The following GNAT3 variants were observed in gnomAD, a reference collection of about 807,000 sequenced individuals.
GNAT3 encodes guanine nucleotide-binding protein G(t) subunit alpha-3.
GNAT3 carries 31 observed loss-of-function variants against 37.7 expected under a neutral mutation model. The ratio of observed to expected loss-of-function variants is 0.82; its 90% CI spans 0.62 to 1.11. The LOEUF is 1.11. Ranked by LOEUF, GNAT3 falls within the 50% of genes most tolerant of loss-of-function variation. The pLI, the probability that GNAT3 is intolerant of heterozygous loss-of-function variation, is 0.00. For missense variants in GNAT3, 437 were observed against 412.5 expected, an observed-to-expected ratio of 1.06 and a Z score of -0.51; for synonymous variants, 138 against 139.8, an observed-to-expected ratio of 0.99 and a Z score of 0.09.
chr7:80,486,711 G>A (rs1790491025), intron 3 of GNAT3: 3 of 145,126 alleles, frequency 2.1e-5, no homozygotes, highest in Non-Finnish European at 3.0e-5. Flanking sequence ...CCGGGCTCAA[G>A]CGATCCTCTT....
intron 1 of GNAT3, among the ~76,000 whole-genome samples, chr7:80,508,498 T>G (rs2116236055): frequency 6.6e-6 from 1 of 152,192 alleles, no homozygotes; most frequent in Non-Finnish European, 1.5e-5. Context: ...AATTTGTTTT[T>G]CTTATTAAAA....
At position 80,474,363 on chromosome 7, in the gene GNAT3, C is replaced by G. The variant is rs1461622832; in HGVS notation, c.478G>C (p.Asp160His). The G allele has an allele frequency of 1.9e-6, 3 of 1,541,200 alleles. No individual in the cohort carries two copies. Among genetic ancestry groups the G allele is most frequent in the Non-Finnish European group, 2.6e-6 (3 of 1,138,574 alleles). The change falls in exon 5 of 8, where the codon GAT becomes CAT. Residue 160 changes from aspartate to histidine, a missense_variant. Coordinates refer to ENST00000398291, the MANE Select transcript of GNAT3 (RefSeq NM_001102386.3). ...ACATACCCAGATGCTGTTATTCTAT[C>G]TAAATCATTAAGGTAGCTAATAAAG... Reference protein sequence around the residue: ...DSAAYYLNDLDRITASGYVPN... With the variant: ...DSAAYYLNDLHRITASGYVPN...
chr7:80,504,582 AGAAACATCT>A (rs1790898054), intron 1 of GNAT3, among the ~76,000 whole-genome samples: 1 of 152,262 alleles, frequency 6.6e-6, no homozygotes, highest in African/African-American at 2.4e-5. Context: ...GCTAAAGAAG[AGAAACATCT>A]GTATTTGCCA....
At chr7:80,501,646 A>G (rs1356286385) in intron 1 of GNAT3, among the ~76,000 whole-genome samples, 10 of 151,752 alleles carry the variant, frequency 6.6e-5, no homozygotes, top group African/African-American at 2.4e-4. Flanking sequence ...AATTTATAAC[A>G]TTTTCCTTGT....
rs1791070066 is a variant in GNAT3, at chr7:80,511,820, A to G, written c.107T>C (p.Leu36Pro). 6.2e-7 allele frequency: 1 copy of G among 1,606,338 alleles called. No individual in the cohort carries two copies. The highest frequency in any genetic ancestry group is 8.5e-7 in the Non-Finnish European group (1 of 1,174,138). ...DAERDARTVK[L>P]LLLGAGESGK... ...GGAAAAGAAATTACCTAATAGTAGC[A>G]GCTTTACGGTTCTTGCATCTCGCTC... The change falls in exon 1 of 8, where the codon CTG becomes CCG. Residue 36 changes from leucine (L) to proline (P), a missense_variant. Physicochemically the swap from Leu to Pro is moderately conservative, Grantham distance 98. Transcript: ENST00000398291.
rs73369087 is a variant in GNAT3, at chr7:80,511,850, T to G, written c.77A>C (p.Asp26Ala). The G allele has an allele frequency of 4.3e-6, 7 of 1,612,202 alleles. No homozygotes were observed. The Admixed American group carries it at 1.2e-4, about 27-fold the overall frequency. ...TACGGTTCTTGCATCTCGCTCAGCA[T>G]CCTCCTGAAGCTTTTTCTCCAGTTC... Reference protein sequence around the residue: ...SKELEKKLQEDAERDARTVKL... With the variant: ...SKELEKKLQEAAERDARTVKL... The change falls in exon 1 of 8, where the codon GAT (aspartate) becomes GCT (alanine). Residue 26 changes from aspartate (D) to alanine (A), a missense_variant. Asp to Ala is a moderately radical substitution (Grantham distance 126). Coordinates refer to ENST00000398291, the MANE Select transcript of GNAT3 (RefSeq NM_001102386.3).
At chr7:80,488,398 G>T (rs895875384) in intron 3 of GNAT3, 137 bp downstream of exon 3, 2 of 640,926 alleles carry the variant, frequency 3.1e-6, no homozygotes, top group Non-Finnish European at 5.0e-6. Context: ...ACACAAAACA[G>T]AATTAATGTT....
At chr7:80,486,398 T>C (rs1479907997) in intron 3 of GNAT3, 1 of 151,976 alleles carries the variant, frequency 6.6e-6, no homozygotes, top group African/African-American at 2.4e-5. Flanking sequence ...TTATTTTCAC[T>C]TCCCCTATAT....
At chr7:80,466,917 C>G (rs976987364) in intron 5 of GNAT3, among the ~76,000 whole-genome samples, 1 of 152,048 alleles carries the variant, frequency 6.6e-6, no homozygotes, top group South Asian at 2.1e-4. Context: ...TAATACCTTA[C>G]GGTTGAATAA....
intron 5 of GNAT3, among the ~76,000 whole-genome samples, chr7:80,469,633 T>A (rs893430042): frequency 2.0e-5 from 3 of 152,184 alleles, no homozygotes; most frequent in Non-Finnish European, 4.4e-5. Flanking sequence ...ATTTTAGAGT[T>A]ATCTAATTTA....
chr7:80,490,161 T>C (rs1790565529), intron 2 of GNAT3, among the ~76,000 whole-genome samples: 1 of 152,144 alleles, frequency 6.6e-6, no homozygotes, highest in South Asian at 2.1e-4. Context: ...ATTATACAAG[T>C]CTCTCCTTCC....
intron 1 of GNAT3, among the ~76,000 whole-genome samples, chr7:80,495,711 C>T (rs1426303012): frequency 6.6e-6 from 1 of 152,082 alleles, no homozygotes; most frequent in Non-Finnish European, 1.5e-5. Flanking sequence ...TCGTGATCTG[C>T]CTGCCTTAGC....
chr7:80,477,344 A>G (rs1254933192), intron 4 of GNAT3, among the ~76,000 whole-genome samples: 2 of 152,134 alleles, frequency 1.3e-5, no homozygotes, highest in Non-Finnish European at 2.9e-5. Context: ...TACCTTTACC[A>G]ATGAATAGTT....
chr7:80,486,054 A>G (rs1790472943), intron 3 of GNAT3, among the ~76,000 whole-genome samples: 1 of 152,208 alleles, frequency 6.6e-6, no homozygotes, highest in African/African-American at 2.4e-5. Flanking sequence ...ATTGAGAGCT[A>G]ACCAGAACTC....
chr7:80,497,272 G>T (rs927039869), intron 1 of GNAT3, among the ~76,000 whole-genome samples: 1 of 151,976 alleles, frequency 6.6e-6, no homozygotes, highest in Non-Finnish European at 1.5e-5. Context: ...CTATCATTTT[G>T]CATGGCTGAG....
At chr7:80,487,258 C>CAG (rs1284598483) in intron 3 of GNAT3, among the ~76,000 whole-genome samples, 1 of 152,128 alleles carries the variant, frequency 6.6e-6, no homozygotes, top group South Asian at 2.1e-4. Context: ...ATCACTAAGT[C>CAG]AGAGAGAGAT....
intron 1 of GNAT3, among the ~76,000 whole-genome samples, chr7:80,507,337 A>G (rs1336101397): frequency 6.6e-6 from 1 of 152,032 alleles, no homozygotes; most frequent in Non-Finnish European, 1.5e-5. Flanking sequence ...AAAAAAAAAT[A>G]AAGACATTAA....
intron 5 of GNAT3, among the ~76,000 whole-genome samples, chr7:80,463,772 G>C (rs182410040): frequency 3.3e-5 from 5 of 151,536 alleles, no homozygotes; most frequent in Non-Finnish European, 3.0e-5. Context: ...TAAACGAATA[G>C]ATTCCATGTT....
intron 1 of GNAT3, among the ~76,000 whole-genome samples, chr7:80,509,883 C>A (rs1399855222): frequency 1.3e-5 from 2 of 151,804 alleles, no homozygotes; most frequent in African/African-American, 4.8e-5. Flanking sequence ...TGTGTTGTGT[C>A]CAACACGATA....
Sources: gnomAD v4.1 joint callset for allele counts (sites outside exome capture counted in the v4.1 genomes callset) on GRCh38, gnomAD v4.1.1 for gene constraint, MANE v1.5 for transcripts, NCBI Gene and HGNC (gene_info 2026-07-23, HGNC 2026-07-21) for gene names.